The following CIMIP2A variants were observed in gnomAD, a reference collection of about 807,000 sequenced individuals.
CIMIP2A encodes ciliary microtubule inner protein 2A.
chr9:137,253,872 C>T, the CIMIP2A span, among the ~76,000 whole-genome samples: 2 of 152,218 alleles, frequency 1.3e-5, no homozygotes, highest in African/African-American at 4.8e-5. Flanking sequence ...GCCCCACTTC[C>T]CCTAGGCCTT....
At chr9:137,244,541 T>G in the CIMIP2A span, 1 of 1,542,916 alleles carries the variant, frequency 6.5e-7, no homozygotes, top group Non-Finnish European at 8.8e-7. Flanking sequence ...CTCAGGCTTC[T>G]CAGGGAACCT....
chr9:137,253,520 G>A, the CIMIP2A span: 1 of 1,418,728 alleles, frequency 7.0e-7, no homozygotes, highest in Admixed American at 3.1e-5. Context: ...TTCACCCGGG[G>A]GCGGTCCTAG....
the CIMIP2A span, chr9:137,243,810 C>G: frequency 1.2e-6 from 2 of 1,613,010 alleles, no homozygotes; most frequent in Non-Finnish European, 1.7e-6. Flanking sequence ...CAGGCTGCAG[C>G]TGAGCTGGGC....
the CIMIP2A span, chr9:137,243,853 C>T: frequency 6.4e-7 from 1 of 1,556,374 alleles, no homozygotes; most frequent in Non-Finnish European, 8.9e-7. Flanking sequence ...GGCTGGACAC[C>T]CAGGCTTCAG....
chr9:137,254,430 G>A, the CIMIP2A span, among the ~76,000 whole-genome samples: 2 of 152,230 alleles, frequency 1.3e-5, no homozygotes, highest in Admixed American at 1.3e-4. Flanking sequence ...GCACCACCAG[G>A]CACCCCTGGT....
chr9:137,252,557 T>G, the CIMIP2A span: 1 of 629,686 alleles, frequency 1.6e-6, no homozygotes, highest in African/African-American at 3.2e-5. Context: ...GGGCGGGGAG[T>G]CCACGCAGGC....
the CIMIP2A span, chr9:137,251,294 A>G: frequency 6.2e-7 from 1 of 1,610,934 alleles, no homozygotes; most frequent in Non-Finnish European, 8.5e-7. Flanking sequence ...CTGATGATGA[A>G]TTCTGACCAG....
the CIMIP2A span, among the ~76,000 whole-genome samples, chr9:137,249,908 C>A: frequency 6.6e-6 from 1 of 152,316 alleles, no homozygotes; most frequent in Non-Finnish European, 1.5e-5. Flanking sequence ...CACAGGAACC[C>A]CAAATTGAAG....
chr9:137,246,531 A>G, the CIMIP2A span, among the ~76,000 whole-genome samples: 4 of 152,200 alleles, frequency 2.6e-5, no homozygotes, highest in Admixed American at 2.6e-4. Context: ...TGGGAGGCTG[A>G]GGCGGGCGGA....
chr9:137,245,786 G>A, the CIMIP2A span: 4 of 1,540,304 alleles, frequency 2.6e-6, no homozygotes, highest in East Asian at 4.5e-5. Flanking sequence ...TCTGTGAGCA[G>A]CTGCCCCGTG....
the CIMIP2A span, chr9:137,251,867 C>T: frequency 5.6e-6 from 9 of 1,608,498 alleles, no homozygotes; most frequent in South Asian, 8.9e-5. Context: ...AGTCCCTGCC[C>T]ACCTACACCC....
chr9:137,248,034 C>T, the CIMIP2A span, among the ~76,000 whole-genome samples: 3 of 152,226 alleles, frequency 2.0e-5, no homozygotes, highest in Admixed American at 2.0e-4. Context: ...GCCACCAGCC[C>T]CAGTCTCAGG....
At chr9:137,248,832 C>A in the CIMIP2A span, among the ~76,000 whole-genome samples, 1 of 152,170 alleles carries the variant, frequency 6.6e-6, no homozygotes. Context: ...CGCACCGCTG[C>A]ACTTCAGCCT....
chr9:137,247,821 T>C, the CIMIP2A span: 1 of 1,141,912 alleles, frequency 8.8e-7, no homozygotes. Flanking sequence ...GCCAGCATTG[T>C]GGGCACCTCC....
the CIMIP2A span, chr9:137,244,213 T>C: frequency 1.2e-6 from 2 of 1,613,940 alleles, no homozygotes; most frequent in Non-Finnish European, 1.7e-6. Context: ...CCTTGGCTGC[T>C]GTAGATGTGG....
the CIMIP2A span, chr9:137,251,440 G>A: frequency 2.8e-6 from 4 of 1,450,734 alleles, no homozygotes; most frequent in Admixed American, 6.9e-5. Context: ...AGCTGGGAGT[G>A]GCCAGGGGGC....
chr9:137,251,548 G>A, the CIMIP2A span, among the ~76,000 whole-genome samples: 1 of 151,354 alleles, frequency 6.6e-6, no homozygotes, highest in Non-Finnish European at 1.5e-5. Context: ...GGAGCGGCCA[G>A]GGGCTGAGGG....
At chr9:137,250,419 G>A in the CIMIP2A span, 1 of 152,296 alleles carries the variant, frequency 6.6e-6, no homozygotes, top group African/African-American at 2.4e-5. Context: ...TAAAACCCGT[G>A]TTTCCTCAAG....
chr9:137,253,134 C>A, the CIMIP2A span: 8 of 1,579,488 alleles, frequency 5.1e-6, no homozygotes, highest in Non-Finnish European at 5.2e-6. Context: ...CTGGCCCAGC[C>A]GCCTACCACG....
Sources: gnomAD v4.1 joint callset for allele counts (sites outside exome capture counted in the v4.1 genomes callset) on GRCh38, gnomAD v4.1.1 for gene constraint, MANE v1.5 for transcripts, NCBI Gene and HGNC (gene_info 2026-07-23, HGNC 2026-07-21) for gene names.